Variants in BABAM2 observed in about 807,000 individuals in gnomAD.
The protein encoded by BABAM2 is BRISC and BRCA1 A complex member 2, also known as BRISC and BRCA1-A complex member 2.
A neutral mutation model predicts 54.7 loss-of-function variants in BABAM2; 31 were observed. That is an observed-to-expected ratio of 0.57 (90% CI 0.43 to 0.77). BABAM2 has a LOEUF of 0.77. BABAM2 is among the 30% of genes least tolerant of loss of function. The probability of loss-of-function intolerance (pLI) is 0.00; values close to 1 mark genes in which losing one functional copy is unlikely to be tolerated. For synonymous variants in BABAM2, 167 were observed against 162.9 expected, an observed-to-expected ratio of 1.03 and a Z score of -0.19; for missense variants, 364 against 455.8, an observed-to-expected ratio of 0.80 and a Z score of 1.83.
rs561310556 is a variant in BABAM2 at position 27,997,333 on chromosome 2, G to C, written c.300+9246G>C. On this transcript the variant is annotated intron_variant, in intron 4 of 11. Coordinates refer to ENST00000379624, the MANE Select transcript of BABAM2 (RefSeq NM_199191.3). ...TATGAGAAAATTACTAGAAATTTTGGTGGAGAACTGGTTTGTGTGTTGATG... is the reference window on the plus strand; with the variant it reads ...TATGAGAAAATTACTAGAAATTTTGCTGGAGAACTGGTTTGTGTGTTGATG... 3.9e-5 allele frequency among the ~76,000 whole-genome samples: 6 copies of C among 152,246 alleles called. No individual in the cohort carries two copies. In the East Asian group the frequency reaches 1.2e-3, roughly 29 times the overall value.
chr2:28,243,514 A>G (rs901289330), intron 9 of BABAM2, among the ~76,000 whole-genome samples: 2 of 151,978 alleles, frequency 1.3e-5, no homozygotes, highest in African/African-American at 4.8e-5. Flanking sequence ...CCTGGGCAAC[A>G]GAGCTAGACT....
intron 5 of BABAM2, among the ~76,000 whole-genome samples, chr2:28,035,814 A>C (rs1676620310): frequency 6.6e-6 from 1 of 152,170 alleles, no homozygotes; most frequent in Non-Finnish European, 1.5e-5. Flanking sequence ...TATACCTCAA[A>C]ATATTAAAGG....
intron 10 of BABAM2, among the ~76,000 whole-genome samples, chr2:28,254,191 C>T (rs1683749458): frequency 6.6e-6 from 1 of 152,204 alleles, no homozygotes; most frequent in Non-Finnish European, 1.5e-5. Flanking sequence ...TTTCTATCCT[C>T]TTCATTGTTG....
At chr2:28,136,847 A>G (rs1670589154) in intron 7 of BABAM2, among the ~76,000 whole-genome samples, 1 of 152,212 alleles carries the variant, frequency 6.6e-6, no homozygotes, top group Admixed American at 6.5e-5. Context: ...GGACCTAGGG[A>G]AAGGGTGAGG....
At chr2:27,924,264 C>A (rs1667524189) in intron 2 of BABAM2, among the ~76,000 whole-genome samples, 1 of 152,174 alleles carries the variant, frequency 6.6e-6, no homozygotes, top group South Asian at 2.1e-4. Flanking sequence ...CCCAAAAGCA[C>A]AATCAAGTCA....
intron 2 of BABAM2, among the ~76,000 whole-genome samples, chr2:27,902,922 T>TGA (rs1553386263): frequency 2.1e-4 from 32 of 151,738 alleles, no homozygotes; most frequent in South Asian, 2.1e-4. Context: ...TGTGTGTGTG[T>TGA]GTGAGAGAGA....
intron 10 of BABAM2, among the ~76,000 whole-genome samples, chr2:28,265,053 G>A (rs574329836): frequency 1.4e-4 from 22 of 152,340 alleles, no homozygotes; most frequent in African/African-American, 5.1e-4. Context: ...AGTGGGCACA[G>A]GGAAGGAGTG....
rs70956008 is a variant in BABAM2, at chr2:28,258,615, CT to C, written c.934+13769del. On this transcript the variant is annotated intron_variant, in intron 10 of 11. Coordinates refer to ENST00000379624, the MANE Select transcript of BABAM2 (RefSeq NM_199191.3). ...CTTAAGTCTTTTTCTTTTTTCTTTT[CT>C]TTTTTTTTTTTTTTTGAGACAGGAT... Among the ~76,000 whole-genome samples the C allele has an allele frequency of 4.3e-3, 433 of 100,008 alleles. 7 individuals are homozygous for C. Among genetic ancestry groups the C allele is most frequent in the African/African-American group, 0.016 (420 of 26,890 alleles). 65.6% of individuals were successfully genotyped at this position (100,008 alleles called of 152,430 possible).
At chr2:28,163,689 A>G (rs371860627) in intron 7 of BABAM2, among the ~76,000 whole-genome samples, 1 of 152,188 alleles carries the variant, frequency 6.6e-6, no homozygotes, top group Non-Finnish European at 1.5e-5. Context: ...GGGTGAGGCA[A>G]TCTGTCCCCA....
intron 7 of BABAM2, among the ~76,000 whole-genome samples, chr2:28,212,395 C>T (rs981456266): frequency 1.3e-5 from 2 of 152,086 alleles, no homozygotes; most frequent in Non-Finnish European, 2.9e-5. Context: ...ATCCATAATA[C>T]ATTCTCATGG....
At chr2:28,298,584 C>A in intron 11 of BABAM2, 93 bp downstream of exon 11, 2 of 1,446,754 alleles carry the variant, frequency 1.4e-6, no homozygotes, top group South Asian at 1.3e-5. Context: ...TTAGTTCCTG[C>A]CCTGTGCATG....
intron 10 of BABAM2, among the ~76,000 whole-genome samples, chr2:28,250,175 TAGC>T (rs1037977090): frequency 6.6e-6 from 1 of 152,026 alleles, no homozygotes; most frequent in African/African-American, 2.4e-5. Flanking sequence ...GCTGAGACCT[TAGC>T]AGTGATTCAG....
chr2:28,132,925 A>G (rs1322349691), intron 7 of BABAM2, among the ~76,000 whole-genome samples: 2 of 152,198 alleles, frequency 1.3e-5, no homozygotes, highest in Non-Finnish European at 1.5e-5. Flanking sequence ...CCTAATTGGC[A>G]GTCTTCTAGG....
In BABAM2 at chr2:28,325,918, G is replaced by A. The variant is rs962081900; in HGVS notation, c.1089-12532G>A. On this transcript the variant is annotated intron_variant, in intron 11 of 11. Transcript: ENST00000379624. The surrounding 1 kb of genome is among the most constrained non-coding windows in gnomAD (Gnocchi z 4.3). ...AAGCCCTAGAGAGACTCAGGGGAGG[G>A]GAAGGTTAGAGGCCTCAAGGAGTTG... Among the ~76,000 whole-genome samples, 8 of 152,228 alleles carry A rather than the reference G, an allele frequency of 5.3e-5. No individual in the cohort carries two copies. Among genetic ancestry groups the A allele is most frequent in the Admixed American group, 1.3e-4 (2 of 15,290 alleles).
intron 5 of BABAM2, among the ~76,000 whole-genome samples, chr2:28,027,719 C>G (rs1242056226): frequency 1.3e-5 from 2 of 152,176 alleles, no homozygotes; most frequent in East Asian, 3.8e-4. Flanking sequence ...TTAATGGACA[C>G]TTGGGTTGTT....
intron 6 of BABAM2, among the ~76,000 whole-genome samples, chr2:28,097,759 C>T (rs1666748388): frequency 6.6e-6 from 1 of 152,046 alleles, no homozygotes. Flanking sequence ...ATTCTGTTTT[C>T]TTCTACATAT....
intron 6 of BABAM2, among the ~76,000 whole-genome samples, chr2:28,100,846 C>T (rs187706486): frequency 6.6e-6 from 1 of 152,152 alleles, no homozygotes; most frequent in East Asian, 1.9e-4. Flanking sequence ...TGGCCAGGAG[C>T]GAGTAGGTTC....
At chr2:28,085,153 A>G (rs1665527400) in intron 6 of BABAM2, among the ~76,000 whole-genome samples, 1 of 152,244 alleles carries the variant, frequency 6.6e-6, no homozygotes. Flanking sequence ...GGCATAGGAA[A>G]TGTTTTAAAT....
intron 7 of BABAM2, among the ~76,000 whole-genome samples, chr2:28,200,915 C>T (rs928471382): frequency 1.2e-4 from 18 of 152,108 alleles, no homozygotes; most frequent in Admixed American, 2.0e-4. Context: ...ACTACAGGTG[C>T]GCACCACCAC....
Sources: allele counts gnomAD v4.1 joint callset (sites outside exome capture counted in the v4.1 genomes callset), GRCh38; gene constraint gnomAD v4.1.1; non-coding constraint Gnocchi (gnomAD v3.1); transcripts MANE v1.5; gene names NCBI Gene and HGNC (gene_info 2026-07-23, HGNC 2026-07-21).